Variants in WNT3A observed in about 807,000 individuals in gnomAD.
WNT3A encodes protein Wnt-3a.
WNT3A carries 17 observed loss-of-function variants against 37.0 expected under a neutral mutation model. The ratio of observed to expected loss-of-function variants is 0.46; its 90% CI spans 0.31 to 0.69. WNT3A has a LOEUF of 0.69. Ranked by LOEUF, WNT3A falls within the 30% of genes least tolerant of loss-of-function variation. The probability of loss-of-function intolerance (pLI) is 0.05; values close to 1 mark genes in which losing one functional copy is unlikely to be tolerated. For synonymous variants in WNT3A, 187 were observed against 211.0 expected (o/e 0.89, Z 0.99); for missense variants, 411 against 510.2 (o/e 0.81, Z 1.87).
intron 2 of WNT3A, among the ~76,000 whole-genome samples, chr1:228,033,772 C>A (rs1010080108): frequency 1.3e-5 from 2 of 151,918 alleles, no homozygotes; most frequent in Admixed American, 1.3e-4. Context: ...AATATTATGT[C>A]TTCTGGTCCA....
chr1:228,022,964 G>A (rs1355570977), intron 2 of WNT3A, 56 bp downstream of exon 2: 21 of 1,546,808 alleles, frequency 1.4e-5, no homozygotes, highest in South Asian at 4.9e-5. Flanking sequence ...AGAGTCTCCC[G>A]CCTAGCGCTG....
rs147497707 is a variant in WNT3A at position 228,013,255 on chromosome 1, C to T, written c.71+6056C>T. On this transcript the variant is annotated intron_variant, in intron 1 of 3. Coordinates refer to ENST00000284523, the MANE Select transcript of WNT3A (RefSeq NM_033131.4). The stretch of plus-strand genomic sequence containing the variant: ...GTTGAGATGGGGTCTTGCTCCGTGG[C>T]CCAGGCTGTGCACTTTAATGTTGGA... Among the ~76,000 whole-genome samples, 679 of 152,276 alleles carry T rather than the reference C, an allele frequency of 4.5e-3. 3 individuals carry two copies. Among genetic ancestry groups the T allele is most frequent in the African/African-American group, 0.016 (662 of 41,546 alleles).
At chr1:228,033,191 G>A (rs2031053265) in intron 2 of WNT3A, among the ~76,000 whole-genome samples, 1 of 152,144 alleles carries the variant, frequency 6.6e-6, no homozygotes, top group South Asian at 2.1e-4. Context: ...CGAATTCCAA[G>A]TTATCAGTTT....
At position 228,031,672 on chromosome 1, in the gene WNT3A, G is replaced by T. The variant is rs1205881564; in HGVS notation, c.313+8764G>T. On this transcript the variant is annotated intron_variant, in intron 2 of 3. Transcript: ENST00000284523. This position sits in a 1 kb window ranked among gnomAD's most constrained non-coding sequence, Gnocchi z 4.8. ...GGTGGATACATGTGCCTGTGCATGG[G>T]TGTATGTGGATGTGCCTGTGCCGTG... is the stretch of plus-strand genomic sequence containing the variant. 1.3e-5 allele frequency among the ~76,000 whole-genome samples: 2 copies of T among 152,110 alleles called. No homozygotes were observed. The highest frequency in any genetic ancestry group is 6.5e-5 in the Admixed American group (1 of 15,270).
intron 2 of WNT3A, among the ~76,000 whole-genome samples, chr1:228,044,745 T>C (rs886234999): frequency 3.3e-5 from 5 of 152,374 alleles, no homozygotes; most frequent in Admixed American, 2.0e-4. Flanking sequence ...TGATAAACAC[T>C]GTGAGCAGTT....
intron 1 of WNT3A, among the ~76,000 whole-genome samples, chr1:228,012,526 G>A (rs1396283729): frequency 6.6e-6 from 1 of 152,166 alleles, no homozygotes; most frequent in Non-Finnish European, 1.5e-5. Flanking sequence ...GAGTAATGGG[G>A]GTGGGGGGGC....
chr1:228,015,681 G>A (rs2030507460), intron 1 of WNT3A, among the ~76,000 whole-genome samples: 2 of 152,042 alleles, frequency 1.3e-5, no homozygotes, highest in Admixed American at 6.5e-5. Context: ...AGGGAGTGAC[G>A]GATGGCAAGA....
chr1:228,037,951 T>G lies in WNT3A; in HGVS notation c.314-12705T>G, dbSNP rs1285387607. On this transcript the variant is annotated intron_variant, in intron 2 of 3. Transcript: ENST00000284523. This position sits in a 1 kb window ranked among gnomAD's most constrained non-coding sequence, Gnocchi z 4.1. ...TTGCTATGACTGGCCTGCGCTCGCCTAATCACCGACTAGGGGGAAATTCAT... is the reference window on the plus strand; with the variant it reads ...TTGCTATGACTGGCCTGCGCTCGCCGAATCACCGACTAGGGGGAAATTCAT... 6.6e-6 allele frequency among the ~76,000 whole-genome samples: 1 copy of G among 152,194 alleles called. No homozygotes were observed. Among genetic ancestry groups the G allele is most frequent in the Non-Finnish European group, 1.5e-5 (1 of 68,022 alleles).
chr1:228,025,485 A>C (rs1300737568), intron 2 of WNT3A, among the ~76,000 whole-genome samples: 1 of 152,068 alleles, frequency 6.6e-6, no homozygotes, highest in Non-Finnish European at 1.5e-5. Flanking sequence ...AGTAGCAGGG[A>C]CCACAGGCAT....
chr1:228,034,330 C>T (rs1296307562), intron 2 of WNT3A, among the ~76,000 whole-genome samples: 1 of 152,190 alleles, frequency 6.6e-6, no homozygotes, highest in Non-Finnish European at 1.5e-5. Context: ...ATCTTGTACT[C>T]TGTAACCTTG....
rs189930873 is a variant in WNT3A, at chr1:228,056,121, G to A, written c.580-2865G>A. ...TACCTGTGGAAGGTCCCAATAAAGT[G>A]ATGCAGCTAGATCACTCTATAGAGA... On this transcript the variant is annotated intron_variant, in intron 3 of 3. Coordinates refer to ENST00000284523, the MANE Select transcript of WNT3A (RefSeq NM_033131.4). Among the ~76,000 whole-genome samples, 447 of 152,354 alleles carry A rather than the reference G, an allele frequency of 2.9e-3. 2 individuals are homozygous for A. The highest frequency in any genetic ancestry group is 5.7e-3 in the Non-Finnish European group (390 of 68,034).
At chr1:228,033,308 C>T (rs2031056682) in intron 2 of WNT3A, among the ~76,000 whole-genome samples, 3 of 151,976 alleles carry the variant, frequency 2.0e-5, no homozygotes, top group African/African-American at 4.8e-5. Context: ...AGAGTTTTAG[C>T]GTTTTAGTGC....
chr1:228,022,657 C>T lies in WNT3A; in HGVS notation c.72-10C>T. 1 of 1,608,264 alleles carries T rather than the reference C, an allele frequency of 6.2e-7. No individual in the cohort carries two copies. Among genetic ancestry groups the T allele is most frequent in the Non-Finnish European group, 8.5e-7 (1 of 1,175,660 alleles). ...GCCCCACACTCACCACCGGATCTTG[C>T]CCTCTGCAGGTCGCTGGCTGTTGGG... On this transcript the variant is annotated splice_polypyrimidine_tract_variant and intron_variant, in intron 1 of 3. Coordinates refer to ENST00000284523, the MANE Select transcript of WNT3A (RefSeq NM_033131.4).
intron 2 of WNT3A, among the ~76,000 whole-genome samples, chr1:228,025,925 T>A (rs1012894908): frequency 9.6e-6 from 1 of 104,696 alleles, no homozygotes; most frequent in African/African-American, 5.7e-5. Context: ...TTTTTTGTAT[T>A]TTTTTTTTTT....
chr1:228,040,844 C>T (rs1447595334), intron 2 of WNT3A, among the ~76,000 whole-genome samples: 3 of 149,566 alleles, frequency 2.0e-5, no homozygotes, highest in East Asian at 3.9e-4. Flanking sequence ...CGAGATCGCG[C>T]CACTGCACTC....
chr1:228,047,541 G>A (rs1397514933), intron 2 of WNT3A, among the ~76,000 whole-genome samples: 2 of 152,204 alleles, frequency 1.3e-5, no homozygotes, highest in Non-Finnish European at 2.9e-5. Flanking sequence ...AGCCCCAGGG[G>A]CTGCTGTCTC....
At chr1:228,035,898 A>G (rs1195669399) in intron 2 of WNT3A, among the ~76,000 whole-genome samples, 1 of 152,094 alleles carries the variant, frequency 6.6e-6, no homozygotes, top group African/African-American at 2.4e-5. Flanking sequence ...AGAGGAACAC[A>G]GTCTGGAACC....
At chr1:228,043,030 G>C (rs967344841) in intron 2 of WNT3A, among the ~76,000 whole-genome samples, 1 of 151,928 alleles carries the variant, frequency 6.6e-6, no homozygotes, top group Non-Finnish European at 1.5e-5. Flanking sequence ...TGGATGGATG[G>C]ATGGATGGAT....
chr1:228,021,554 G>T (rs2030707600), intron 1 of WNT3A, among the ~76,000 whole-genome samples: 1 of 152,114 alleles, frequency 6.6e-6, no homozygotes, highest in African/African-American at 2.4e-5. Context: ...CACCCTAGAG[G>T]CAGTCTTCAT....
Sources: gnomAD v4.1 joint callset for allele counts (sites outside exome capture counted in the v4.1 genomes callset) on GRCh38, gnomAD v4.1.1 for gene constraint, Gnocchi (gnomAD v3.1) non-coding constraint, MANE v1.5 for transcripts, NCBI Gene and HGNC (gene_info 2026-07-23, HGNC 2026-07-21) for gene names.